The following NRXN3 variants were observed in gnomAD, a reference collection of about 807,000 sequenced individuals.
NRXN3 encodes neurexin 3.
In NRXN3, 32 loss-of-function variants were observed where a neutral mutation model predicts 137.6. The ratio of observed to expected loss-of-function variants is 0.23; its 90% confidence interval spans 0.18 to 0.31. NRXN3 has a LOEUF of 0.31. Among genes scored for constraint, NRXN3 ranks in the 10% least tolerant of loss-of-function variants. NRXN3 has a pLI of 1.00. For missense variants in NRXN3, 1,574 were observed against 2,062.5 expected, an observed-to-expected ratio of 0.76 and a Z score of 4.59; for synonymous variants, 798 against 784.5, an observed-to-expected ratio of 1.02 and a Z score of -0.29.
At chr14:79,136,887 G>A (rs1204624778) in intron 15 of NRXN3, among the ~76,000 whole-genome samples, 2 of 152,138 alleles carry the variant, frequency 1.3e-5, no homozygotes, top group East Asian at 3.9e-4. Context: ...TTTCTGAAAT[G>A]CCAGGAATTG....
chr14:78,600,243 C>T (rs2097191878), intron 4 of NRXN3, among the ~76,000 whole-genome samples: 1 of 152,170 alleles, frequency 6.6e-6, no homozygotes, highest in African/African-American at 2.4e-5. Flanking sequence ...TACAGCACCA[C>T]AAATAGGGAA....
At chr14:78,961,368 C>T (rs779051553) in intron 11 of NRXN3, among the ~76,000 whole-genome samples, 4 of 152,166 alleles carry the variant, frequency 2.6e-5, no homozygotes, top group South Asian at 2.1e-4. Flanking sequence ...AGCCCCTCCC[C>T]CCAGAAGTTA....
At chr14:79,547,996 A>C (rs112736438) in intron 16 of NRXN3, among the ~76,000 whole-genome samples, 1,899 of 152,174 alleles carry the variant, frequency 0.012, 29 homozygotes, top group Non-Finnish European at 0.022. Flanking sequence ...AGAAGCCAAG[A>C]ATAATTGAAG....
chr14:79,597,139 CA>C (rs1403529411), intron 16 of NRXN3, among the ~76,000 whole-genome samples: 1 of 152,104 alleles, frequency 6.6e-6, no homozygotes, highest in African/African-American at 2.4e-5. Flanking sequence ...TAGATTAGAT[CA>C]AAAGATTGTC....
intron 15 of NRXN3, among the ~76,000 whole-genome samples, chr14:79,337,076 A>T (rs1479704553): frequency 6.6e-6 from 1 of 152,196 alleles, no homozygotes; most frequent in African/African-American, 2.4e-5. Context: ...ATTCTGTCGT[A>T]TATTTCTATT....
At chr14:79,206,393 T>C (rs984414073) in intron 15 of NRXN3, among the ~76,000 whole-genome samples, 3 of 152,192 alleles carry the variant, frequency 2.0e-5, no homozygotes, top group Non-Finnish European at 4.4e-5. Flanking sequence ...TAGAATCAGA[T>C]GGCATGGGCT....
intron 15 of NRXN3, among the ~76,000 whole-genome samples, chr14:79,122,181 C>A (rs898735903): frequency 6.6e-6 from 1 of 152,176 alleles, no homozygotes; most frequent in East Asian, 1.9e-4. Context: ...AAGAAAATTC[C>A]TCTGTGGTTG....
At chr14:78,950,370 A>G (rs1567797172) in intron 10 of NRXN3, among the ~76,000 whole-genome samples, 1 of 152,184 alleles carries the variant, frequency 6.6e-6, no homozygotes, top group African/African-American at 2.4e-5. Context: ...CTGAGGAGCC[A>G]TTTGTTTCTT....
chr14:79,850,102 G>A (rs529877369), intron 20 of NRXN3, among the ~76,000 whole-genome samples: 1 of 152,286 alleles, frequency 6.6e-6, no homozygotes, highest in African/African-American at 2.4e-5. Context: ...TATTTCATAG[G>A]AGAAACAGAT....
chr14:78,253,196 G>C (rs1030135685), intron 2 of NRXN3, among the ~76,000 whole-genome samples: 1 of 152,316 alleles, frequency 6.6e-6, no homozygotes, highest in South Asian at 2.1e-4. Flanking sequence ...TTTGACTCAC[G>C]GCTTAGTTTT....
chr14:79,516,343 G>C (rs983807529), intron 16 of NRXN3, among the ~76,000 whole-genome samples: 5 of 152,058 alleles, frequency 3.3e-5, no homozygotes, highest in Non-Finnish European at 7.4e-5. Flanking sequence ...TCACTGCCTG[G>C]GGCAGACACT....
chr14:79,260,018 G>A (rs568804218), intron 15 of NRXN3, among the ~76,000 whole-genome samples: 3 of 152,186 alleles, frequency 2.0e-5, no homozygotes, highest in African/African-American at 7.2e-5. Context: ...TGATAAAGTA[G>A]AGCTGATGAA....
intron 15 of NRXN3, among the ~76,000 whole-genome samples, chr14:79,246,226 G>T (rs1196364697): frequency 1.3e-5 from 2 of 152,172 alleles, no homozygotes; most frequent in Admixed American, 1.3e-4. Context: ...TCCATTCCTT[G>T]TTAGGCTAAA....
At chr14:79,819,561 T>G (rs1349314626) in intron 20 of NRXN3, among the ~76,000 whole-genome samples, 1 of 132,672 alleles carries the variant, frequency 7.5e-6, no homozygotes, top group Non-Finnish European at 1.6e-5. Context: ...CTCGGCTCAC[T>G]ACAACCTCCG....
At chr14:79,659,325 G>A (rs569485406) in intron 16 of NRXN3, among the ~76,000 whole-genome samples, 28 of 152,152 alleles carry the variant, frequency 1.8e-4, no homozygotes, top group African/African-American at 6.5e-4. Context: ...AGTGGTGATG[G>A]CTGTGGAGTT....
intron 9 of NRXN3, among the ~76,000 whole-genome samples, chr14:78,805,362 G>T (rs1367532640): frequency 2.0e-5 from 3 of 151,430 alleles, no homozygotes; most frequent in African/African-American, 7.3e-5. Flanking sequence ...AATCCTCCCC[G>T]CCATCAACCA....
At chr14:78,946,032 G>A (rs1024066056) in intron 10 of NRXN3, among the ~76,000 whole-genome samples, 1 of 152,170 alleles carries the variant, frequency 6.6e-6, no homozygotes, top group Non-Finnish European at 1.5e-5. Flanking sequence ...GGACCTATTC[G>A]GAAGAGGCTG....
At chr14:78,382,443 G>A (rs367555403) in intron 4 of NRXN3, among the ~76,000 whole-genome samples, 1 of 152,314 alleles carries the variant, frequency 6.6e-6, no homozygotes, top group East Asian at 1.9e-4. Flanking sequence ...TTGTTTCCAA[G>A]AACTTCAGGG....
intron 15 of NRXN3, among the ~76,000 whole-genome samples, chr14:79,316,513 G>A (rs1566777010): frequency 6.6e-6 from 1 of 152,218 alleles, no homozygotes; most frequent in African/African-American, 2.4e-5. Context: ...AGGGGAAAGG[G>A]ACCGGATGAT....
Sources: allele counts gnomAD v4.1 joint callset (sites outside exome capture counted in the v4.1 genomes callset), GRCh38; gene constraint gnomAD v4.1.1; transcripts MANE v1.5; gene names NCBI Gene and HGNC (gene_info 2026-07-23, HGNC 2026-07-21).